The following PRIM2 variants were observed in gnomAD, a reference collection of about 807,000 sequenced individuals.
PRIM2 encodes DNA primase subunit 2.
A neutral mutation model predicts 67.3 loss-of-function variants in PRIM2; 39 were observed. The ratio of observed to expected loss-of-function variants is 0.58; its 90% CI spans 0.45 to 0.76. The LOEUF (loss-of-function observed/expected upper bound fraction) is 0.76. PRIM2 is among the 30% of genes least tolerant of loss of function. The pLI is 0.00. For missense variants in PRIM2, 398 were observed against 598.7 expected (o/e 0.66, Z 3.50); for synonymous variants, 143 against 198.7 (o/e 0.72, Z 2.36).
At position 57,326,445 on chromosome 6, in the gene PRIM2, G is replaced by A. The variant is rs74340489; in HGVS notation, c.459+400G>A. 104 of 158,408 alleles carry A rather than the reference G, an allele frequency of 6.6e-4. 2 individuals carry two copies. The East Asian group carries it at 0.018, about 27-fold the overall frequency. The allele number at this position is 158,408 out of a possible 1,614,324, so 9.8% of individuals were successfully genotyped here. On this transcript the variant is annotated intron_variant, in intron 5 of 13. Transcript: ENST00000615550. ...ATTTAAAAGTCAGTTGTCAGGCGGG[G>A]CGTGGTGCCTCACACCTGTAATCCC... is the stretch of plus-strand genomic sequence containing the variant.
intron 7 of PRIM2, among the ~76,000 whole-genome samples, chr6:57,430,788 CTGT>C (rs1771800297): frequency 6.6e-6 from 1 of 152,124 alleles, no homozygotes; most frequent in South Asian, 2.1e-4. Flanking sequence ...TGAAAAGCTA[CTGT>C]TGTTAGAAGC....
chr6:57,424,595 C>T (rs553119804), intron 7 of PRIM2, among the ~76,000 whole-genome samples: 318 of 152,234 alleles, frequency 2.1e-3, no homozygotes, highest in Non-Finnish European at 3.3e-3. Context: ...ATTTGGGAAA[C>T]TCTTATATTA....
chr6:57,499,509 G>A (rs1554346659), intron 7 of PRIM2, among the ~76,000 whole-genome samples: 4,069 of 152,144 alleles, frequency 0.027, 79 homozygotes, highest in Non-Finnish European at 0.043. Context: ...AAGACACAGG[G>A]ACAAAGAGAA....
chr6:57,421,941 C>A (rs528452085), intron 7 of PRIM2, among the ~76,000 whole-genome samples: 1 of 152,152 alleles, frequency 6.6e-6, no homozygotes, highest in East Asian at 1.9e-4. Flanking sequence ...GATACTAGAA[C>A]CAGATGAAAG....
chr6:57,469,268 C>T (rs1178627178), intron 7 of PRIM2, among the ~76,000 whole-genome samples: 1 of 152,212 alleles, frequency 6.6e-6, no homozygotes, highest in Non-Finnish European at 1.5e-5. Context: ...GATTAGCTTT[C>T]AGTCTGTGAA....
rs397958660 is a variant in PRIM2, at chr6:57,446,418, CTTTT to C, written c.694-60957_694-60954del. ...GGCATAGGCCTGGCACACGCCACTTCTTTTTTTTTTTTTTTGAGACAGTCTTGCT... is the reference window on the plus strand; with the variant it reads ...GGCATAGGCCTGGCACACGCCACTTCTTTTTTTTTTTGAGACAGTCTTGCT... On this transcript the variant is annotated intron_variant, in intron 7 of 13. Coordinates refer to ENST00000615550, the MANE Select transcript of PRIM2 (RefSeq NM_000947.5). Among the ~76,000 whole-genome samples, 13 of 83,810 alleles carry C rather than the reference CTTTT, an allele frequency of 1.6e-4. 2 individuals are homozygous for C. Among genetic ancestry groups the C allele is most frequent in the South Asian group, 4.6e-4 (1 of 2,184 alleles). The allele number at this position is 83,810 out of a possible 152,430, so 55.0% of individuals were successfully genotyped here.
rs1303133944 is a variant in PRIM2 at position 57,455,980 on chromosome 6, G to A, written c.694-51407G>A. ...TCAGGAGCTCTTTTAGGGCAGGCCT[G>A]GTGGTGACAAAATCTCTCAGCATTT... On this transcript the variant is annotated intron_variant, in intron 7 of 13. Coordinates refer to ENST00000615550, the MANE Select transcript of PRIM2 (RefSeq NM_000947.5). Among the ~76,000 whole-genome samples, 238 of 152,162 alleles carry A rather than the reference G, an allele frequency of 1.6e-3. 1 individual carries two copies. Among genetic ancestry groups the A allele is most frequent in the Non-Finnish European group, 3.0e-3 (205 of 68,006 alleles).
intron 5 of PRIM2, among the ~76,000 whole-genome samples, chr6:57,339,806 T>C (rs1054324859): frequency 2.0e-5 from 3 of 152,068 alleles, no homozygotes; most frequent in African/African-American, 7.2e-5. Flanking sequence ...GCAAGGACTT[T>C]ATGTCTAAAA....
the PRIM2 span, among the ~76,000 whole-genome samples, chr6:57,309,451 C>T: frequency 6.6e-6 from 1 of 151,954 alleles, no homozygotes; most frequent in South Asian, 2.1e-4. Context: ...TCATCCATAT[C>T]CCTACAAAGG....
intron 7 of PRIM2, among the ~76,000 whole-genome samples, chr6:57,441,316 T>C (rs1174467980): frequency 6.6e-6 from 1 of 152,248 alleles, no homozygotes; most frequent in East Asian, 1.9e-4. Context: ...GCTAGCTTTT[T>C]AGAGCTTACC....
intron 7 of PRIM2, among the ~76,000 whole-genome samples, chr6:57,461,626 T>C (rs1455340680): frequency 2.0e-5 from 3 of 152,116 alleles, no homozygotes; most frequent in Non-Finnish European, 4.4e-5. Context: ...TTTCAATGTA[T>C]GTATCTTTAA....
chr6:57,403,773 AATT>A (rs1353073301), intron 7 of PRIM2, among the ~76,000 whole-genome samples: 1 of 151,838 alleles, frequency 6.6e-6, no homozygotes, highest in African/African-American at 2.4e-5. Context: ...TTTGTGTAGT[AATT>A]ATTTGTGTGC....
chr6:57,368,192 A>G (rs71209173), intron 5 of PRIM2, among the ~76,000 whole-genome samples: 3 of 152,082 alleles, frequency 2.0e-5, no homozygotes, highest in South Asian at 2.1e-4. Context: ...TATATATCAT[A>G]TATATATCAT....
chr6:57,599,378 A>C (rs1208614573), intron 10 of PRIM2, among the ~76,000 whole-genome samples: 13 of 151,618 alleles, frequency 8.6e-5, no homozygotes, highest in South Asian at 2.1e-4. Context: ...AAAAATAAGA[A>C]CTTCCAGTTA....
chr6:57,228,861 A>T, the PRIM2 span, among the ~76,000 whole-genome samples: 2 of 152,250 alleles, frequency 1.3e-5, no homozygotes, highest in Non-Finnish European at 2.9e-5. Context: ...TACCATACGT[A>T]AAAGCACTTA....
At chr6:57,260,765 C>G in the PRIM2 span, among the ~76,000 whole-genome samples, 1 of 150,568 alleles carries the variant, frequency 6.6e-6, no homozygotes, top group South Asian at 2.1e-4. Flanking sequence ...GGTCATGTTC[C>G]TTTGTCCAGT....
intron 7 of PRIM2, among the ~76,000 whole-genome samples, chr6:57,384,167 A>G (rs13212319): frequency 3.9e-5 from 6 of 152,268 alleles, no homozygotes; most frequent in South Asian, 2.1e-4. Context: ...CTTTATTTCT[A>G]TATAGCATAC....
chr6:57,413,044 A>G (rs1261246862), intron 7 of PRIM2, among the ~76,000 whole-genome samples: 1 of 151,978 alleles, frequency 6.6e-6, no homozygotes, highest in Non-Finnish European at 1.5e-5. Flanking sequence ...TCATTGTTGA[A>G]AGTTTCTGGG....
chr6:57,256,218 A>T, the PRIM2 span, among the ~76,000 whole-genome samples: 38 of 152,176 alleles, frequency 2.5e-4, no homozygotes, highest in Non-Finnish European at 5.9e-5. Flanking sequence ...AAGACAATTA[A>T]CTTGTTTTTG....
Sources: allele counts gnomAD v4.1 joint callset (sites outside exome capture counted in the v4.1 genomes callset), GRCh38; gene constraint gnomAD v4.1.1; transcripts MANE v1.5; gene names NCBI Gene and HGNC (gene_info 2026-07-23, HGNC 2026-07-21).